The following MYO3B variants were observed in gnomAD, a reference collection of about 807,000 sequenced individuals.
MYO3B encodes the protein myosin IIIB.
In MYO3B, 156 loss-of-function variants were observed where a neutral mutation model predicts 174.6. The ratio of observed to expected loss-of-function variants is 0.89; its 90% CI spans 0.78 to 1.02. The LOEUF is 1.02. Ranked by LOEUF, MYO3B falls within the 50% of genes least tolerant of loss-of-function variation. The pLI is 0.00. For synonymous variants in MYO3B, 563 were observed against 569.1 expected (o/e 0.99, Z 0.15); for missense variants, 1,632 against 1,639.4 (o/e 1.00, Z 0.08).
intron 24 of MYO3B, among the ~76,000 whole-genome samples, chr2:170,465,738 T>G (rs890134752): frequency 6.6e-5 from 10 of 152,186 alleles, no homozygotes; most frequent in Admixed American, 6.5e-4. Context: ...GTGCTAAACC[T>G]GAAAAATAAG....
intron 6 of MYO3B, among the ~76,000 whole-genome samples, chr2:170,232,243 A>G (rs1180462711): frequency 6.6e-6 from 1 of 152,208 alleles, no homozygotes. Flanking sequence ...TGTTGAGCTA[A>G]AGAGAATGAT....
intron 25 of MYO3B, among the ~76,000 whole-genome samples, chr2:170,485,650 A>G (rs1686004532): frequency 6.6e-6 from 1 of 152,152 alleles, no homozygotes. Flanking sequence ...GATTATTTCC[A>G]GTTGTTTGCT....
rs2092807308 is a variant in MYO3B, at chr2:170,214,543, G to A, written c.426+60G>A. The A allele has an allele frequency of 2.6e-6, 4 of 1,524,588 alleles. No individual in the cohort carries two copies. The Admixed American group carries it at 6.7e-5, about 26-fold the overall frequency. The allele number at this position is 1,524,588 out of a possible 1,614,324, so 94.4% of individuals were successfully genotyped here. A position where few individuals can be genotyped will look rare whatever the true frequency, so the allele number is the denominator to read the frequency against. On this transcript the variant is annotated intron_variant, in intron 4 of 34. Transcript: ENST00000408978. ...ATGGGATGGTTTGTTCATTGCTTGG[G>A]TCCTTATTGCATATTAACAATGGGG...
intron 7 of MYO3B, chr2:170,334,442 G>A (rs2093933319): frequency 6.6e-6 from 1 of 152,122 alleles, no homozygotes; most frequent in African/African-American, 2.4e-5. Context: ...TTGAATCTGA[G>A]CAATCCATGG....
intron 7 of MYO3B, among the ~76,000 whole-genome samples, chr2:170,259,481 G>A (rs145378177): frequency 1.4e-3 from 216 of 152,240 alleles, no homozygotes; most frequent in African/African-American, 5.0e-3. Context: ...TCAATAAATC[G>A]TGCTTGGATA....
chr2:170,406,022 C>A (rs889577140), intron 21 of MYO3B, among the ~76,000 whole-genome samples: 1 of 152,080 alleles, frequency 6.6e-6, no homozygotes, highest in Non-Finnish European at 1.5e-5. Context: ...ATTTTTAGTA[C>A]TTTAATCATA....
intron 22 of MYO3B, among the ~76,000 whole-genome samples, chr2:170,440,688 G>C (rs572387779): frequency 6.7e-6 from 1 of 150,300 alleles, no homozygotes; most frequent in East Asian, 2.0e-4. Context: ...GGGAGGTGGA[G>C]GTTGCAGTGA....
intron 10 of MYO3B, 116 bp downstream of exon 10, chr2:170,382,228 G>A: frequency 2.5e-6 from 2 of 788,038 alleles, no homozygotes; most frequent in Non-Finnish European, 2.1e-6. Flanking sequence ...AATTGTTTGT[G>A]TAGCTATGGG....
chr2:170,605,010 AT>A (rs1559152821), intron 32 of MYO3B, among the ~76,000 whole-genome samples: 1 of 151,898 alleles, frequency 6.6e-6, no homozygotes, highest in African/African-American at 2.4e-5. Flanking sequence ...ATTTTAAAAC[AT>A]TTTTTACTGT....
intron 18 of MYO3B, among the ~76,000 whole-genome samples, 158 bp downstream of exon 18, chr2:170,401,849 C>CCGGA (rs1407734812): frequency 1.3e-5 from 2 of 149,170 alleles, no homozygotes; most frequent in African/African-American, 2.5e-5. Context: ...GTTGCCCAGG[C>CCGGA]CGGAGTGCAG....
intron 7 of MYO3B, among the ~76,000 whole-genome samples, chr2:170,252,407 A>G (rs1296327298): frequency 6.6e-6 from 1 of 152,248 alleles, no homozygotes; most frequent in African/African-American, 2.4e-5. Context: ...AGAGTTTGGC[A>G]AAATACAAGA....
chr2:170,255,025 G>C (rs2093292015), intron 7 of MYO3B, among the ~76,000 whole-genome samples: 2 of 152,154 alleles, frequency 1.3e-5, no homozygotes, highest in African/African-American at 4.8e-5. Context: ...AAAGCCCCAG[G>C]CCACAGGTGC....
intron 1 of MYO3B, among the ~76,000 whole-genome samples, chr2:170,183,893 A>G (rs1425459050): frequency 6.6e-6 from 1 of 152,164 alleles, no homozygotes; most frequent in Non-Finnish European, 1.5e-5. Context: ...TAAAAATTAG[A>G]TATTAAAACT....
intron 22 of MYO3B, among the ~76,000 whole-genome samples, chr2:170,419,510 T>C (rs1292935113): frequency 6.6e-6 from 1 of 152,178 alleles, no homozygotes; most frequent in Non-Finnish European, 1.5e-5. Context: ...ACAGTCACAT[T>C]CTGAAGTAGT....
At position 170,199,357 on chromosome 2, in the gene MYO3B, GC is replaced by G. The variant is rs753703798; in HGVS notation, c.154del (p.Leu52TrpfsTer4). On this transcript the variant is annotated frameshift_variant, in exon 2 of 35. Coordinates refer to ENST00000408978, the MANE Select transcript of MYO3B (RefSeq NM_138995.5). LOFTEE classifies it high-confidence loss of function. ...VYKVTNKRDGSLAAVKILDPV... is the reference protein window; with the variant it reads ...VYKVTNKRDGXLAAVKILDPV... ...AAGGTAACTAACAAGAGAGATGGGA[GC>G]CTGGCTGCAGTGAAAATTCTGGATC... The G allele has an allele frequency of 6.2e-7, 1 of 1,611,952 alleles. No homozygotes were observed. The highest frequency in any genetic ancestry group is 8.5e-7 in the Non-Finnish European group (1 of 1,179,154).
rs200600321 is a variant in MYO3B at position 170,524,157 on chromosome 2, GT to G, written c.3575+4625del. On this transcript the variant is annotated intron_variant, in intron 30 of 34. Coordinates refer to ENST00000408978, the MANE Select transcript of MYO3B (RefSeq NM_138995.5). Reference sequence around the variant, plus strand: ...ATTGTTAGCATTTATTGCTATGCCAGTTTTTTTTCCCCCCACATTTTATCTC... The same window carrying G: ...ATTGTTAGCATTTATTGCTATGCCAGTTTTTTTCCCCCCACATTTTATCTC... Among the ~76,000 whole-genome samples the G allele has an allele frequency of 1.3e-3, 205 of 152,208 alleles. 2 individuals carry two copies. Among genetic ancestry groups the G allele is most frequent in the Admixed American group, 3.4e-3 (52 of 15,290 alleles).
At chr2:170,311,752 G>T (rs181010135) in intron 7 of MYO3B, among the ~76,000 whole-genome samples, 51 of 152,068 alleles carry the variant, frequency 3.4e-4, no homozygotes, top group African/African-American at 1.1e-3. Context: ...CTTATATTTA[G>T]GTTGTTGATC....
chr2:170,312,877 C>T (rs1574766837), intron 7 of MYO3B, among the ~76,000 whole-genome samples: 1 of 152,110 alleles, frequency 6.6e-6, no homozygotes, highest in East Asian at 1.9e-4. Context: ...TTCTTGGTGC[C>T]TTCTATGGAG....
At chr2:170,308,142 G>A (rs139821966) in intron 7 of MYO3B, among the ~76,000 whole-genome samples, 2,861 of 152,276 alleles carry the variant, frequency 0.019, 38 homozygotes, top group Middle Eastern at 0.082. Context: ...TCTATTTCCA[G>A]CCTTTTGTTT....
Sources: gnomAD v4.1 joint callset for allele counts (sites outside exome capture counted in the v4.1 genomes callset) on GRCh38, gnomAD v4.1.1 for gene constraint, MANE v1.5 for transcripts, NCBI Gene and HGNC (gene_info 2026-07-23, HGNC 2026-07-21) for gene names.